Variants in OR2A42 observed in about 807,000 individuals in gnomAD.
OR2A42 encodes olfactory receptor family 2 subfamily A member 42, also known as olfactory receptor 2A1/2A42.
For synonymous variants in OR2A42, 5 were observed against 46.4 expected, an observed-to-expected ratio of 0.11 and a Z score of 3.63; for missense variants, 3 against 104.1, an observed-to-expected ratio of 0.03 and a Z score of 4.23.
rs1245550381 is a variant in OR2A42 at position 144,229,913 on chromosome 7, T to TG, written c.*1997dup. 4 of 151,908 alleles carry TG rather than the reference T, an allele frequency of 2.6e-5. No homozygotes were observed. The highest frequency in any genetic ancestry group is 9.7e-5 in the African/African-American group (4 of 41,416). 9.4% of individuals were successfully genotyped at this position (151,908 alleles called of 1,614,324 possible). On this transcript the variant is annotated 3_prime_UTR_variant, in exon 3 of 3. Transcript: ENST00000641810. Reference sequence around the variant, plus strand: ...CTCTTGCCTCAGCCTCCCGAATAGCTGGGGATGTAGGCACACGTTGCCATG... The same window carrying TG: ...CTCTTGCCTCAGCCTCCCGAATAGCTGGGGGATGTAGGCACACGTTGCCATG...
rs1318589742 is a variant in OR2A42 at position 144,229,236 on chromosome 7, G to A, written c.*2675C>T. The A allele has an allele frequency of 7.6e-6, 1 of 131,880 alleles. No individual in the cohort carries two copies. The highest frequency in any genetic ancestry group is 2.7e-5 in the African/African-American group (1 of 36,644). 8.2% of individuals were successfully genotyped at this position (131,880 alleles called of 1,614,324 possible). A position where few individuals can be genotyped will look rare whatever the true frequency, so the allele number is the denominator to read the frequency against. ...ACTTTTAAGTCTTCAGAAAAAAAAT[G>A]TGTCCATTTGCATCTTGCTTTGGGT... On this transcript the variant is annotated 3_prime_UTR_variant, in exon 3 of 3. Coordinates refer to ENST00000641810, the MANE Select transcript of OR2A42 (RefSeq NM_001001802.3).
At chr7:144,232,893 A>ACCTAGAC (rs1221555052) in intron 2 of OR2A42, 46 bp from the exon 3 acceptor site, 2 of 579,508 alleles carry the variant, frequency 3.5e-6, no homozygotes, top group African/African-American at 3.9e-5. Context: ...GTCAAAAAAC[A>ACCTAGAC]CCTAGACATT....
intron 2 of OR2A42, among the ~76,000 whole-genome samples, chr7:144,235,200 T>C (rs2052411618): frequency 2.7e-5 from 4 of 146,920 alleles, no homozygotes; most frequent in Admixed American, 2.7e-4. Flanking sequence ...CAAGTGCTCC[T>C]CCCACCTCAG....
chr7:144,235,577 C>T (rs1355083866), intron 2 of OR2A42, among the ~76,000 whole-genome samples: 2 of 152,174 alleles, frequency 1.3e-5, no homozygotes, highest in African/African-American at 2.4e-5. Context: ...TCAATAAATA[C>T]AAATGAATAA....
rs1563079615 is a variant in OR2A42, at chr7:144,230,448, GT to G, written c.*1462del. On this transcript the variant is annotated 3_prime_UTR_variant, in exon 3 of 3. Transcript: ENST00000641810. ...GTAGTAATAGTCTCTACCTCATAGG[GT>G]TTTTATGAGGACTTAAAGAGCTCTT... The G allele has an allele frequency of 2.2e-5, 3 of 138,178 alleles. No individual in the cohort carries two copies. Among genetic ancestry groups the G allele is most frequent in the Admixed American group, 2.1e-4 (3 of 14,082 alleles). The allele number at this position is 138,178 out of a possible 1,614,324, so 8.6% of individuals were successfully genotyped here.
chr7:144,230,538 T>TGTGTGTGC lies in OR2A42; in HGVS notation c.*1372_*1373insGCACACAC, dbSNP rs1165910078. 7 of 147,702 alleles carry TGTGTGTGC rather than the reference T, an allele frequency of 4.7e-5. No homozygotes were observed. The highest frequency in any genetic ancestry group is 1.8e-4 in the African/African-American group (7 of 39,068). The allele number at this position is 147,702 out of a possible 1,614,324, so 9.1% of individuals were successfully genotyped here. A position where few individuals can be genotyped will look rare whatever the true frequency, so the allele number is the denominator to read the frequency against. On this transcript the variant is annotated 3_prime_UTR_variant, in exon 3 of 3. Coordinates refer to ENST00000641810, the MANE Select transcript of OR2A42 (RefSeq NM_001001802.3). ...GTGCGTATATGTGTGTGTGTGTGTG[T>TGTGTGTGC]GCGCGCACGCATGTACGTGAGCATG...
In OR2A42 at chr7:144,229,070, T is replaced by C. The variant is rs1361847398; in HGVS notation, c.*2841A>G. On this transcript the variant is annotated 3_prime_UTR_variant, in exon 3 of 3. Transcript: ENST00000641810. ...TGGGGAAGCCATGAGGGCAAAGGCG[T>C]AGGTGACCTACCAGCACCAATGCTC... The C allele has an allele frequency of 2.1e-4, 32 of 151,724 alleles. No homozygotes were observed. Among genetic ancestry groups the C allele is most frequent in the African/African-American group, 7.7e-4 (32 of 41,372 alleles). The allele number at this position is 151,724 out of a possible 1,614,324, so 9.4% of individuals were successfully genotyped here.
chr7:144,237,331 A>G (rs2052440839), intron 2 of OR2A42, among the ~76,000 whole-genome samples: 1 of 141,440 alleles, frequency 7.1e-6, no homozygotes, highest in Non-Finnish European at 1.6e-5. Context: ...ACTGGGTTAT[A>G]TTTAATTTTA....
chr7:144,233,856 C>CT (rs1204303702), intron 2 of OR2A42, among the ~76,000 whole-genome samples: 1 of 26,312 alleles, frequency 3.8e-5, no homozygotes, highest in Non-Finnish European at 6.7e-5. Flanking sequence ...CTAATTAAAA[C>CT]TTTTTTTGCA....
At chr7:144,236,044 G>A (rs1452969574) in intron 2 of OR2A42, among the ~76,000 whole-genome samples, 4 of 151,892 alleles carry the variant, frequency 2.6e-5, no homozygotes, top group Admixed American at 1.3e-4. Context: ...GGACAAGCTT[G>A]CTTTAAGTGA....
rs2052363834 is a variant in OR2A42 at position 144,230,637 on chromosome 7, T to C, written c.*1274A>G. On this transcript the variant is annotated 3_prime_UTR_variant, in exon 3 of 3. Transcript: ENST00000641810. ...CCAGAACCAAGTATAGTTCTAAACT[T>C]ACTCTCTAATCTCATTGAGAACAGC... 1 of 148,130 alleles carries C rather than the reference T, an allele frequency of 6.8e-6. No individual in the cohort carries two copies. Among genetic ancestry groups the C allele is most frequent in the Non-Finnish European group, 1.5e-5 (1 of 66,626 alleles). The allele number at this position is 148,130 out of a possible 1,614,324, so 9.2% of individuals were successfully genotyped here. A position where few individuals can be genotyped will look rare whatever the true frequency, so the allele number is the denominator to read the frequency against.
chr7:144,237,453 TG>T (rs2052443681), intron 2 of OR2A42, among the ~76,000 whole-genome samples: 1 of 86,848 alleles, frequency 1.2e-5, no homozygotes, highest in Non-Finnish European at 2.4e-5. Context: ...GGGGTGGGGG[TG>T]GGTGGAGAAA....
rs188356183 is a variant in OR2A42, at chr7:144,235,196, C to A, written c.-4-2349G>T. Among the ~76,000 whole-genome samples, 7 of 146,904 alleles carry A rather than the reference C, an allele frequency of 4.8e-5. No individual in the cohort carries two copies. In the East Asian group the frequency reaches 1.2e-3, roughly 24 times the overall value. On this transcript the variant is annotated intron_variant, in intron 2 of 2. Coordinates refer to ENST00000641810, the MANE Select transcript of OR2A42 (RefSeq NM_001001802.3). ...GGTTTCAAACTTTTGGGTTCAAGTG[C>A]TCCTCCCACCTCAGCCTCCCAAAGT...
Position 144,228,630 on chromosome 7 carries a change from C to A in OR2A42, c.*3281G>T, listed in dbSNP as rs1384081039. 8.2e-6 allele frequency: 1 copy of A among 122,538 alleles called. No homozygotes were observed. The highest frequency in any genetic ancestry group is 3.0e-5 in the African/African-American group (1 of 33,546). The allele number at this position is 122,538 out of a possible 1,614,324, so 7.6% of individuals were successfully genotyped here. A position where few individuals can be genotyped will look rare whatever the true frequency, so the allele number is the denominator to read the frequency against. ...GAAGTTTAGAAATCAGAAGATGGCT[C>A]AACACTGAAAATTTGGAAATGGGGT... is the stretch of plus-strand genomic sequence containing the variant. On this transcript the variant is annotated 3_prime_UTR_variant, in exon 3 of 3. Coordinates refer to ENST00000641810, the MANE Select transcript of OR2A42 (RefSeq NM_001001802.3).
Sources: allele counts gnomAD v4.1 joint callset (sites outside exome capture counted in the v4.1 genomes callset), GRCh38; gene constraint gnomAD v4.1.1; transcripts MANE v1.5; gene names NCBI Gene and HGNC (gene_info 2026-07-23, HGNC 2026-07-21).